The following ACACB variants were observed in gnomAD, a reference collection of about 807,000 sequenced individuals.
ACACB encodes acetyl-CoA carboxylase 2.
Under a neutral mutation model 278.8 loss-of-function variants are expected in ACACB, and 209 were observed. The observed-to-expected ratio is 0.75, with a 90% CI of 0.67 to 0.84. The LOEUF (loss-of-function observed/expected upper bound fraction) is 0.84, where lower values mean the gene tolerates loss of function less well. ACACB is among the 40% of genes least tolerant of loss of function. The pLI, the probability that ACACB is intolerant of heterozygous loss-of-function variation, is 0.00. For synonymous variants in ACACB, 1,174 were observed against 1,285.6 expected, an observed-to-expected ratio of 0.91 and a Z score of 1.86; for missense variants, 2,850 against 3,269.0, an observed-to-expected ratio of 0.87 and a Z score of 3.13.
intron 1 of ACACB, chr12:109,125,580 C>G (rs2042660055): frequency 6.6e-6 from 1 of 152,212 alleles, no homozygotes; most frequent in African/African-American, 2.4e-5. Flanking sequence ...GTGGCTTGAA[C>G]TTGATCTTAG....
chr12:109,206,610 T>G, intron 19 of ACACB, 100 bp from the exon 20 acceptor site: 1 of 1,421,496 alleles, frequency 7.0e-7, no homozygotes, highest in Non-Finnish European at 9.7e-7. Context: ...CCTCACTTGA[T>G]TACGGAAGCC....
rs1232845435 is a variant in ACACB, at chr12:109,176,031, G to C, written c.1317G>C (p.Glu439Asp). ...YDKGCVKDVD[E>D]GLEAAERIGF... ...AGGGTTGCGTGAAAGACGTAGATGA[G>C]GGCTTGGAGGTAAATGCAGAGCCTG... Residue 439 changes from glutamate to aspartate, a missense_variant, in exon 8 of 53, where the codon GAG (glutamate) becomes GAC (aspartate). This residue lies in a region of ACACB where 2,265 missense variants were observed against 2,561.3 expected (regional missense o/e 0.88). Coordinates refer to ENST00000338432, the MANE Select transcript of ACACB (RefSeq NM_001093.4). 1 of 1,614,146 alleles carries C rather than the reference G, an allele frequency of 6.2e-7. No individual in the cohort carries two copies.
At chr12:109,231,397 C>A (rs887245670) in intron 28 of ACACB, among the ~76,000 whole-genome samples, 8 of 152,156 alleles carry the variant, frequency 5.3e-5, no homozygotes, top group Non-Finnish European at 1.2e-4. Context: ...TACATGAACA[C>A]ATGTTAATTC....
At chr12:109,140,631 T>C (rs527404899) in intron 2 of ACACB, among the ~76,000 whole-genome samples, 1 of 152,264 alleles carries the variant, frequency 6.6e-6, no homozygotes, top group Non-Finnish European at 1.5e-5. Context: ...CACTCCAGCC[T>C]GGGTGACAGG....
intron 1 of ACACB, among the ~76,000 whole-genome samples, chr12:109,122,915 G>T (rs1471187562): frequency 1.3e-5 from 2 of 152,056 alleles, no homozygotes; most frequent in African/African-American, 4.8e-5. Context: ...GGGTGCAGTG[G>T]CTCATGCCTG....
rs753447548 is a variant in ACACB at position 109,172,276 on chromosome 12, C to T, written c.1037C>T (p.Ala346Val). The change falls in exon 6 of 53, where the codon GCG (alanine) becomes GTG (valine). Residue 346 changes from alanine to valine, a missense_variant and splice_region_variant. Around this residue, in one of 3 missense-constraint regions of ACACB, gnomAD observed 2,265 missense variants for 2,561.3 expected, o/e 0.88. Coordinates refer to ENST00000338432, the MANE Select transcript of ACACB (RefSeq NM_001093.4). ...GCTCACCCCTTTCTGTGTTTGCAGG[C>T]GGTGTGGGCTGGCTGGGGCCATGCT... is the stretch of plus-strand genomic sequence containing the variant. ...VDIAKRIPVQ[A>V]VWAGWGHASE... The T allele has an allele frequency of 1.1e-5, 18 of 1,613,500 alleles. No homozygotes were observed. Among genetic ancestry groups the T allele is most frequent in the Non-Finnish European group, 1.5e-5 (18 of 1,179,874 alleles).
intron 45 of ACACB, 108 bp from the exon 46 acceptor site, chr12:109,258,160 G>A: frequency 1.4e-6 from 1 of 739,304 alleles, no homozygotes; most frequent in South Asian, 1.9e-5. Flanking sequence ...TAATCCGCCA[G>A]ATTAAAAAGA....
chr12:109,197,231 C>A, intron 17 of ACACB, 78 bp downstream of exon 17: 1 of 1,515,650 alleles, frequency 6.6e-7, no homozygotes, highest in Non-Finnish European at 8.8e-7. Context: ...ACAGCACTGG[C>A]CTGTGTGCAG....
intron 2 of ACACB, among the ~76,000 whole-genome samples, chr12:109,163,767 A>C (rs2043812350): frequency 6.6e-6 from 1 of 152,114 alleles, no homozygotes. Context: ...CTCCTGCTTC[A>C]GCCTCTCAAG....
intron 28 of ACACB, among the ~76,000 whole-genome samples, chr12:109,230,170 T>C (rs2046427412): frequency 6.6e-6 from 1 of 152,214 alleles, no homozygotes; most frequent in South Asian, 2.1e-4. Context: ...TAACTTTCTT[T>C]TCCTGTTGGT....
intron 19 of ACACB, 105 bp from the exon 20 acceptor site, chr12:109,206,605 C>G (rs1410149983): frequency 1.4e-6 from 2 of 1,391,038 alleles, no homozygotes; most frequent in East Asian, 2.3e-5. Context: ...CTCATCCTCA[C>G]TTGATTACGG....
chr12:109,195,043 A>G (rs1328398437), intron 16 of ACACB, among the ~76,000 whole-genome samples: 1 of 152,130 alleles, frequency 6.6e-6, no homozygotes, highest in African/African-American at 2.4e-5. Context: ...TGGGCCATCC[A>G]AGGTCAATTC....
At chr12:109,196,801 G>T (rs1280437507) in intron 16 of ACACB, among the ~76,000 whole-genome samples, 1 of 152,186 alleles carries the variant, frequency 6.6e-6, no homozygotes, top group African/African-American at 2.4e-5. Context: ...CCACAGGGCA[G>T]GTGTGGCTCG....
At chr12:109,164,295 C>A (rs368848162) in intron 2 of ACACB, among the ~76,000 whole-genome samples, 1 of 152,180 alleles carries the variant, frequency 6.6e-6, no homozygotes, top group Non-Finnish European at 1.5e-5. Context: ...TCCAGTGGCG[C>A]GATCTCGGCT....
In ACACB at chr12:109,216,660, G is replaced by A. The variant is rs2046008901; in HGVS notation, c.3393G>A (p.Leu1131=). The A allele has an allele frequency of 1.9e-6, 3 of 1,614,216 alleles. No homozygotes were observed. The highest frequency in any genetic ancestry group is 4.5e-5 in the East Asian group (2 of 44,884). Residue 1131 remains leucine, a synonymous_variant, in exon 23 of 53, where the codon TTG becomes TTA. Coordinates refer to ENST00000338432, the MANE Select transcript of ACACB (RefSeq NM_001093.4). ...GIRGYMKTVV[L]DLLRRYLRVE... ...GCGGCTATATGAAAACAGTGGTGTT[G>A]GATCTCCTGAGAAGATACTTGCGTG...
At position 109,209,248 on chromosome 12, in the gene ACACB, C is replaced by A. The variant is rs781468323; in HGVS notation, c.3144C>A (p.Ser1048Arg). ...PLLELQEIMT[S>R]VAGRIPAPVE... ...TGGAGCTGCAGGAGATCATGACCAG[C>A]GTGGCAGGCCGCATCCCCGCCCCTG... is the stretch of plus-strand genomic sequence containing the variant. The change falls in exon 21 of 53, where the codon AGC becomes AGA. Residue 1048 changes from serine to arginine, a missense_variant. By Grantham distance (110) the Ser-to-Arg change is moderately radical. Transcript: ENST00000338432. 8 of 1,611,200 alleles carry A rather than the reference C, an allele frequency of 5.0e-6. No homozygotes were observed. Among genetic ancestry groups the A allele is most frequent in the Non-Finnish European group, 5.1e-6 (6 of 1,179,564 alleles).
At position 109,262,406 on chromosome 12, in the gene ACACB, A is replaced by C. The variant is rs1449142569; in HGVS notation, c.6724A>C (p.Lys2242Gln). 1 of 1,613,714 alleles carries C rather than the reference A, an allele frequency of 6.2e-7. No individual in the cohort carries two copies. ...GACAGTGGAGATTAAGTTCCGAAAG[A>C]AAGATCTGATAAAGTCCATGAGAAG... ...EGTVEIKFRK[K>Q]DLIKSMRRID... Residue 2242 changes from lysine to glutamine, a missense_variant, in exon 49 of 53, where the codon AAA (lysine) becomes CAA (glutamine). Around this residue, in one of 3 missense-constraint regions of ACACB, gnomAD observed 579 missense variants for 684.6 expected, o/e 0.85. Transcript: ENST00000338432.
At chr12:109,230,620 G>C (rs1369246858) in intron 28 of ACACB, among the ~76,000 whole-genome samples, 1 of 152,114 alleles carries the variant, frequency 6.6e-6, no homozygotes, top group Non-Finnish European at 1.5e-5. Flanking sequence ...GCAGAGATGG[G>C]GGTCTCACTA....
Position 109,260,124 on chromosome 12 carries a change from C to T in ACACB, c.6497-356C>T, listed in dbSNP as rs756928602. On this transcript the variant is annotated intron_variant, in intron 47 of 52. Transcript: ENST00000338432. ...GAAGATAAGGGCCATGTTGCCCATG[C>T]ACATTGGGGAAGGATCAGTGTGACT... 22 of 1,379,910 alleles carry T rather than the reference C, an allele frequency of 1.6e-5. 1 individual carries two copies. The South Asian group carries it at 2.3e-4, about 14-fold the overall frequency. The allele number at this position is 1,379,910 out of a possible 1,614,324, so 85.5% of individuals were successfully genotyped here.
Sources: gnomAD v4.1 joint callset for allele counts (sites outside exome capture counted in the v4.1 genomes callset) on GRCh38, gnomAD v4.1.1 for gene constraint, gnomAD v4.1.1 regional missense constraint, MANE v1.5 for transcripts, NCBI Gene and HGNC (gene_info 2026-07-23, HGNC 2026-07-21) for gene names.